The following TTLL5 variants were observed in gnomAD, a reference collection of about 807,000 sequenced individuals.
TTLL5 encodes the protein tubulin tyrosine ligase like 5.
TTLL5 carries 132 observed loss-of-function variants against 168.4 expected under a neutral mutation model. That is an observed-to-expected ratio of 0.78 (90% CI 0.68 to 0.91). TTLL5 has a LOEUF of 0.91. Among genes scored for constraint, TTLL5 ranks in the 40% least tolerant of loss-of-function variants. The pLI, the probability that TTLL5 is intolerant of heterozygous loss-of-function variation, is 0.00. For synonymous variants in TTLL5, 546 were observed against 558.6 expected, an observed-to-expected ratio of 0.98 and a Z score of 0.32; for missense variants, 1,545 against 1,581.5, an observed-to-expected ratio of 0.98 and a Z score of 0.39.
chr14:75,880,643 G>A (rs970730010), intron 29 of TTLL5, among the ~76,000 whole-genome samples: 1 of 152,184 alleles, frequency 6.6e-6, no homozygotes, highest in African/African-American at 2.4e-5. Context: ...CTGTTCCTGT[G>A]TCCCTCTTTA....
At chr14:75,716,473 G>A (rs1469481681) in intron 9 of TTLL5, among the ~76,000 whole-genome samples, 1 of 152,168 alleles carries the variant, frequency 6.6e-6, no homozygotes, top group African/African-American at 2.4e-5. Context: ...GGGTGGATGA[G>A]AAGAAACAGA....
chr14:75,700,494 G>A (rs1245070399), intron 7 of TTLL5, among the ~76,000 whole-genome samples: 1 of 147,552 alleles, frequency 6.8e-6, no homozygotes, highest in Non-Finnish European at 1.5e-5. Flanking sequence ...CCAACACACT[G>A]TGTATGAGGC....
chr14:75,674,352 G>A (rs1414296183), intron 3 of TTLL5, among the ~76,000 whole-genome samples: 1 of 151,952 alleles, frequency 6.6e-6, no homozygotes, highest in Non-Finnish European at 1.5e-5. Context: ...TTTCTTTTTG[G>A]CTCTCTTAAA....
chr14:75,867,795 G>C (rs1452168749), intron 29 of TTLL5, among the ~76,000 whole-genome samples: 5 of 151,558 alleles, frequency 3.3e-5, no homozygotes, highest in South Asian at 4.2e-4. Flanking sequence ...ATTTCAGGAT[G>C]GTTGTGGGAA....
At chr14:75,914,029 A>ATATATATATAT (rs1555356357) in intron 31 of TTLL5, among the ~76,000 whole-genome samples, 3 of 78,338 alleles carry the variant, frequency 3.8e-5, no homozygotes, top group Admixed American at 2.8e-4. Context: ...AAAAAAAAAA[A>ATATATATATAT]AAAAATATAT....
At chr14:75,670,066 C>A (rs541172965) in intron 3 of TTLL5, among the ~76,000 whole-genome samples, 42 of 152,272 alleles carry the variant, frequency 2.8e-4, no homozygotes, top group Non-Finnish European at 4.9e-4. Flanking sequence ...TGAGGTTCAT[C>A]CATGTTGGAG....
At chr14:75,900,598 A>G (rs1214105758) in intron 30 of TTLL5, among the ~76,000 whole-genome samples, 1 of 152,100 alleles carries the variant, frequency 6.6e-6, no homozygotes, top group Non-Finnish European at 1.5e-5. Flanking sequence ...TTCAGCAAAC[A>G]CTGCCTGACT....
chr14:75,716,890 A>G (rs1594917644), intron 9 of TTLL5, among the ~76,000 whole-genome samples: 1 of 152,206 alleles, frequency 6.6e-6, no homozygotes, highest in East Asian at 1.9e-4. Context: ...CTCCATGTTT[A>G]ATTCCTCTTT....
chr14:75,872,991 T>C (rs2031166573), intron 29 of TTLL5, among the ~76,000 whole-genome samples: 2 of 151,598 alleles, frequency 1.3e-5, no homozygotes, highest in South Asian at 4.2e-4. Context: ...GTAGAAAACA[T>C]GTAAATGTAT....
chr14:75,684,206 T>C (rs753313910), intron 5 of TTLL5: 1 of 152,388 alleles, frequency 6.6e-6, no homozygotes, highest in African/African-American at 2.4e-5. Flanking sequence ...AGTTTCTGGT[T>C]CTCTTTCCTA....
At chr14:75,863,926 A>AAGAAAAAG in intron 29 of TTLL5, 64 bp downstream of exon 29, 2 of 1,257,814 alleles carry the variant, frequency 1.6e-6, no homozygotes, top group African/African-American at 1.9e-5. Context: ...AAAAAAAAAA[A>AAGAAAAAG]AAAAAAAAGG....
intron 28 of TTLL5, among the ~76,000 whole-genome samples, chr14:75,831,689 A>C (rs1383869760): frequency 6.6e-6 from 1 of 152,268 alleles, no homozygotes; most frequent in African/African-American, 2.4e-5. Flanking sequence ...AGAGACGCCA[A>C]ATCTTTGAAG....
intron 5 of TTLL5, chr14:75,684,242 A>AT (rs1244114400): frequency 1.3e-5 from 2 of 152,244 alleles, no homozygotes; most frequent in African/African-American, 4.8e-5. Flanking sequence ...GGAGTACCTC[A>AT]TGAGGATGGG....
intron 22 of TTLL5, among the ~76,000 whole-genome samples, chr14:75,776,400 CTG>C (rs1292238426): frequency 6.6e-6 from 1 of 152,142 alleles, no homozygotes; most frequent in African/African-American, 2.4e-5. Flanking sequence ...GAACAAAATA[CTG>C]TGTCTCTGTT....
chr14:75,862,754 A>G (rs920176000), intron 28 of TTLL5, among the ~76,000 whole-genome samples: 4 of 152,046 alleles, frequency 2.6e-5, no homozygotes, highest in Non-Finnish European at 5.9e-5. Context: ...CAGTCAGGGC[A>G]ACATGGTTAA....
intron 28 of TTLL5, among the ~76,000 whole-genome samples, chr14:75,850,571 C>T (rs889213962): frequency 6.6e-6 from 1 of 151,918 alleles, no homozygotes; most frequent in Admixed American, 6.6e-5. Context: ...CTAGTATATG[C>T]TAGGCACTTA....
At chr14:75,852,980 A>T (rs1896945158) in intron 28 of TTLL5, among the ~76,000 whole-genome samples, 1 of 152,160 alleles carries the variant, frequency 6.6e-6, no homozygotes, top group Admixed American at 6.5e-5. Context: ...TTTTTTACTA[A>T]TGAGAGTAGT....
At chr14:75,802,410 T>C (rs1893376523) in intron 27 of TTLL5, among the ~76,000 whole-genome samples, 1 of 152,244 alleles carries the variant, frequency 6.6e-6, no homozygotes, top group South Asian at 2.1e-4. Flanking sequence ...GATATTCTAC[T>C]AAGCAAGCAA....
rs577063775 is a variant in TTLL5, at chr14:75,889,657, G to A, written c.3740+6755G>A. Among the ~76,000 whole-genome samples, 5 of 151,958 alleles carry A rather than the reference G, an allele frequency of 3.3e-5. No individual in the cohort carries two copies. The South Asian group carries it at 6.2e-4, about 19-fold the overall frequency. On this transcript the variant is annotated intron_variant, in intron 30 of 31. Coordinates refer to ENST00000298832, the MANE Select transcript of TTLL5 (RefSeq NM_015072.5). Reference sequence around the variant, plus strand: ...AACCGGGCCAACATGGCAAAACCCCGTCTCTACCAAAATATACAAAAATTA... The same window carrying A: ...AACCGGGCCAACATGGCAAAACCCCATCTCTACCAAAATATACAAAAATTA...
Sources: gnomAD v4.1 joint callset for allele counts (sites outside exome capture counted in the v4.1 genomes callset) on GRCh38, gnomAD v4.1.1 for gene constraint, MANE v1.5 for transcripts, NCBI Gene and HGNC (gene_info 2026-07-23, HGNC 2026-07-21) for gene names.